NFE2L2: variants seen among roughly 807,000 people sequenced by gnomAD.
The protein encoded by NFE2L2 is nuclear factor erythroid 2-related factor 2.
A neutral mutation model predicts 49.6 loss-of-function variants in NFE2L2; 20 were observed. The observed-to-expected ratio is 0.40, with a 90% CI of 0.28 to 0.59. The LOEUF is 0.59. Among genes scored for constraint, NFE2L2 ranks in the 20% least tolerant of loss-of-function variants. The pLI is 0.40. For missense variants in NFE2L2, 578 were observed against 714.2 expected, an observed-to-expected ratio of 0.81 and a Z score of 2.17; for synonymous variants, 244 against 256.5, an observed-to-expected ratio of 0.95 and a Z score of 0.47.
intron 1 of NFE2L2, chr2:177,263,930 G>A (rs1290286882): frequency 1.0e-6 from 1 of 985,624 alleles, no homozygotes; most frequent in Non-Finnish European, 1.2e-6. Flanking sequence ...TCCGAGAGAT[G>A]GATGACTTCG....
intron 1 of NFE2L2, chr2:177,264,211 G>A: frequency 3.3e-6 from 1 of 300,142 alleles, no homozygotes; most frequent in East Asian, 5.6e-5. Flanking sequence ...TAGGGGCTCC[G>A]GAGTCCCAGC....
intron 1 of NFE2L2, among the ~76,000 whole-genome samples, chr2:177,239,109 A>G (rs1689858203): frequency 6.6e-6 from 1 of 152,224 alleles, no homozygotes; most frequent in Non-Finnish European, 1.5e-5. Context: ...CCAGAAAAAG[A>G]CATCTTTATG....
intron 1 of NFE2L2, chr2:177,256,148 G>A (rs578200616): frequency 6.5e-6 from 1 of 154,650 alleles, no homozygotes; most frequent in East Asian, 1.9e-4. Context: ...AAAAGTACAG[G>A]TCCTTAGTCA....
intron 2 of NFE2L2, chr2:177,233,713 A>G (rs1689643873): frequency 3.8e-6 from 2 of 530,448 alleles, no homozygotes; most frequent in South Asian, 4.9e-5. Context: ...TTCTCCTGCT[A>G]CTACTTCTGT....
intron 1 of NFE2L2, among the ~76,000 whole-genome samples, chr2:177,239,949 TAA>T (rs57941264): frequency 0.012 from 1,595 of 135,398 alleles, 15 homozygotes; most frequent in East Asian, 0.046. Context: ...AGCTTTATGT[TAA>T]AAAAAAAAAA....
At position 177,231,349 on chromosome 2, in the gene NFE2L2, A is replaced by G; in HGVS notation, c.1254T>C (p.His418=). 1.9e-6 allele frequency: 3 copies of G among 1,614,278 alleles called. No individual in the cohort carries two copies. Among genetic ancestry groups the G allele is most frequent in the East Asian group, 2.2e-5 (1 of 44,890 alleles). ...CTGGTGTGTTCTCACATTGGGCATC[A>G]TGCACGTGAGTGCTCTGCCCCTGAG... ...SPSQGQSTHV[H]DAQCENTPEK... The change falls in exon 5 of 5, where the codon CAT becomes CAC. Residue 418 remains histidine (H), a synonymous_variant. Transcript: ENST00000397062.
intron 1 of NFE2L2, among the ~76,000 whole-genome samples, chr2:177,239,443 G>A (rs1242323280): frequency 1.3e-5 from 2 of 152,196 alleles, no homozygotes; most frequent in South Asian, 4.1e-4. Context: ...TTGGGAGGCC[G>A]AGGCGGGCAG....
intron 1 of NFE2L2, chr2:177,263,826 ACGTC>A: frequency 1.0e-6 from 1 of 985,410 alleles, no homozygotes; most frequent in Non-Finnish European, 1.2e-6. Flanking sequence ...CAGCCGCCAC[ACGTC>A]GGGGCTTCTG....
chr2:177,242,465 GTTCACAAA>G (rs1689971898), intron 1 of NFE2L2, among the ~76,000 whole-genome samples: 1 of 152,154 alleles, frequency 6.6e-6, no homozygotes, highest in African/African-American at 2.4e-5. Context: ...TAAAACCCTA[GTTCACAAA>G]TTTACCATTC....
rs1173977678 is a variant in NFE2L2, at chr2:177,248,880, A to G, written c.46-14609T>C. On this transcript the variant is annotated intron_variant, in intron 1 of 4. Coordinates refer to ENST00000397062, the MANE Select transcript of NFE2L2 (RefSeq NM_006164.5). Reference sequence around the variant, plus strand: ...TGTCCCCTGCCCAGCCTCCAGCATTACATTATCAAGCGCAAACCTGGCTCA... The same window carrying G: ...TGTCCCCTGCCCAGCCTCCAGCATTGCATTATCAAGCGCAAACCTGGCTCA... Among the ~76,000 whole-genome samples the G allele has an allele frequency of 5.9e-5, 9 of 152,126 alleles. 1 individual carries two copies. The South Asian group carries it at 1.2e-3, about 21-fold the overall frequency.
At chr2:177,241,905 A>G (rs948174870) in intron 1 of NFE2L2, among the ~76,000 whole-genome samples, 4 of 152,238 alleles carry the variant, frequency 2.6e-5, no homozygotes, top group African/African-American at 7.2e-5. Context: ...TCTGCCTTGC[A>G]GTCGTAATCC....
rs751483512 is a variant in NFE2L2 at position 177,232,507 on chromosome 2, T to A, written c.479A>T (p.Asn160Ile). Residue 160 changes from asparagine to isoleucine, a missense_variant, in exon 4 of 5, where the codon AAT becomes ATT. Around this residue, in one of 3 missense-constraint regions of NFE2L2, gnomAD observed 368 missense variants for 384.6 expected, o/e 0.96. Transcript: ENST00000397062. ...HIESPVFIAT[N>I]QAQSPETSVA... The stretch of plus-strand genomic sequence containing the variant: ...AGAAGTTTCAGGTGACTGAGCCTGA[T>A]TAGTAGCAATGAAGACTGGGCTCTC... 1 of 1,614,112 alleles carries A rather than the reference T, an allele frequency of 6.2e-7. No homozygotes were observed. Among genetic ancestry groups the A allele is most frequent in the Non-Finnish European group, 8.5e-7 (1 of 1,179,990 alleles).
At position 177,264,700 on chromosome 2, in the gene NFE2L2, C is replaced by T; in HGVS notation, c.-124G>A. The stretch of plus-strand genomic sequence containing the variant: ...GGCGGTGGCGGCTGCGTCGGCGGCT[C>T]CTCCGGGCTCCCCGGCACTCGGTAA... On this transcript the variant is annotated 5_prime_UTR_variant, in exon 1 of 5. Transcript: ENST00000397062. 1.2e-6 allele frequency: 1 copy of T among 836,048 alleles called. No homozygotes were observed. The highest frequency in any genetic ancestry group is 1.6e-6 in the Non-Finnish European group (1 of 608,560). The allele number at this position is 836,048 out of a possible 1,614,324, so 51.8% of individuals were successfully genotyped here.
At chr2:177,250,734 C>T (rs1690308389) in intron 1 of NFE2L2, among the ~76,000 whole-genome samples, 1 of 152,226 alleles carries the variant, frequency 6.6e-6, no homozygotes, top group South Asian at 2.1e-4. Flanking sequence ...CTCGAGGCTT[C>T]CTCAGGGAGG....
At position 177,231,156 on chromosome 2, in the gene NFE2L2, C is replaced by T. The variant is rs2105451625; in HGVS notation, c.1447G>A (p.Glu483Lys). 6.2e-7 allele frequency: 1 copy of T among 1,614,134 alleles called. No individual in the cohort carries two copies. The highest frequency in any genetic ancestry group is 8.5e-7 in the Non-Finnish European group (1 of 1,180,028). The change falls in exon 5 of 5, where the codon GAA (glutamate) becomes AAA (lysine). Residue 483 changes from glutamate (E) to lysine (K), a missense_variant. By Grantham distance (56) the Glu-to-Lys change is moderately conservative (BLOSUM62 1). Coordinates refer to ENST00000397062, the MANE Select transcript of NFE2L2 (RefSeq NM_006164.5). Reference protein sequence around the residue: ...IINLPVVDFNEMMSKEQFNEA... With the variant: ...IINLPVVDFNKMMSKEQFNEA... ...TTGAACTGCTCTTTGGACATCATTT[C>T]GTTGAAGTCAACAACAGGGAGGTTA... is the stretch of plus-strand genomic sequence containing the variant.
intron 1 of NFE2L2, among the ~76,000 whole-genome samples, chr2:177,240,520 T>C (rs1216094197): frequency 1.3e-5 from 2 of 152,204 alleles, no homozygotes; most frequent in Non-Finnish European, 2.9e-5. Context: ...CCAAATTATG[T>C]TGCTAGCTTG....
intron 1 of NFE2L2, among the ~76,000 whole-genome samples, chr2:177,248,223 C>G (rs2105478211): frequency 6.6e-6 from 1 of 152,276 alleles, no homozygotes; most frequent in South Asian, 2.1e-4. Context: ...CCTGGTCAAC[C>G]TAACACAAAT....
chr2:177,235,080 G>A (rs1689694479), intron 1 of NFE2L2, among the ~76,000 whole-genome samples: 1 of 151,564 alleles, frequency 6.6e-6, no homozygotes, highest in South Asian at 2.1e-4. Flanking sequence ...TCGCACCACT[G>A]CACTCCAGCC....
intron 1 of NFE2L2, among the ~76,000 whole-genome samples, chr2:177,245,735 G>A (rs1157430855): frequency 3.3e-5 from 5 of 151,776 alleles, no homozygotes; most frequent in Admixed American, 6.6e-5. Flanking sequence ...TCAGCCTCCC[G>A]AGTAGTTGGG....
Sources: gnomAD v4.1 joint callset for allele counts (sites outside exome capture counted in the v4.1 genomes callset) on GRCh38, gnomAD v4.1.1 for gene constraint, gnomAD v4.1.1 regional missense constraint, MANE v1.5 for transcripts, NCBI Gene and HGNC (gene_info 2026-07-23, HGNC 2026-07-21) for gene names.